Variants in RAB3C observed in about 807,000 individuals in gnomAD.
RAB3C encodes the protein RAB3C, member RAS oncogene family, also known as ras-related protein Rab-3C.
A neutral mutation model predicts 26.4 loss-of-function variants in RAB3C; 17 were observed. The observed-to-expected ratio is 0.64, with a 90% CI of 0.44 to 0.97. The LOEUF (loss-of-function observed/expected upper bound fraction) is 0.97. RAB3C is among the 50% of genes least tolerant of loss of function. The pLI is 0.00. For missense variants in RAB3C, 242 were observed against 281.9 expected, an observed-to-expected ratio of 0.86 and a Z score of 1.01; for synonymous variants, 91 against 95.9, an observed-to-expected ratio of 0.95 and a Z score of 0.30.
At chr5:58,816,356 G>A (rs1397151730) in intron 3 of RAB3C, among the ~76,000 whole-genome samples, 1 of 152,170 alleles carries the variant, frequency 6.6e-6, no homozygotes, top group Admixed American at 6.5e-5. Context: ...AATCAGTATG[G>A]TAACAACCTG....
At chr5:58,717,145 A>G (rs1749188888) in intron 2 of RAB3C, among the ~76,000 whole-genome samples, 1 of 152,058 alleles carries the variant, frequency 6.6e-6, no homozygotes, top group Non-Finnish European at 1.5e-5. Context: ...GATTATTAAG[A>G]CAGAAACAAA....
intron 3 of RAB3C, among the ~76,000 whole-genome samples, chr5:58,774,933 G>A (rs1363347427): frequency 6.6e-6 from 1 of 152,112 alleles, no homozygotes; most frequent in African/African-American, 2.4e-5. Flanking sequence ...GAAGCATCGT[G>A]ACTAAGGACT....
chr5:58,854,389 C>T lies in RAB3C; in HGVS notation c.*3038C>T, dbSNP rs1000924766. The stretch of plus-strand genomic sequence containing the variant: ...GGTACCTTCCTTTCTTTTCCTAATG[C>T]AACTGAAAAATTAGACTGAAAATTA... On this transcript the variant is annotated 3_prime_UTR_variant, in exon 5 of 5. Transcript: ENST00000282878. 2 of 152,174 alleles carry T rather than the reference C, an allele frequency of 1.3e-5. No homozygotes were observed. The highest frequency in any genetic ancestry group is 2.9e-5 in the Non-Finnish European group (2 of 68,032). The allele number at this position is 152,174 out of a possible 1,614,324, so 9.4% of individuals were successfully genotyped here.
At chr5:58,727,458 T>C (rs1457641361) in intron 3 of RAB3C, among the ~76,000 whole-genome samples, 1 of 152,040 alleles carries the variant, frequency 6.6e-6, no homozygotes, top group East Asian at 1.9e-4. Context: ...AAACTGAATG[T>C]TGTAAATACA....
chr5:58,596,685 T>C (rs1746272283), intron 1 of RAB3C, among the ~76,000 whole-genome samples: 1 of 55,104 alleles, frequency 1.8e-5, no homozygotes, highest in Non-Finnish European at 3.7e-5. Context: ...ATATATAATA[T>C]ATAATACATA....
At chr5:58,717,911 A>G (rs1328044556) in intron 2 of RAB3C, among the ~76,000 whole-genome samples, 1 of 152,108 alleles carries the variant, frequency 6.6e-6, no homozygotes, top group Non-Finnish European at 1.5e-5. Context: ...CTTTGTGTGC[A>G]TGAAAGTGCC....
chr5:58,775,977 G>A (rs1466164702), intron 3 of RAB3C, among the ~76,000 whole-genome samples: 2 of 152,014 alleles, frequency 1.3e-5, no homozygotes. Flanking sequence ...CCACAAACTT[G>A]CATTTTCAAT....
In RAB3C at chr5:58,617,662, C is replaced by A. The variant is rs1281564372; in HGVS notation, c.44C>A (p.Ala15Asp). 1.2e-6 allele frequency: 2 copies of A among 1,612,978 alleles called. No individual in the cohort carries two copies. Among genetic ancestry groups the A allele is most frequent in the African/African-American group, 2.7e-5 (2 of 74,886 alleles). ...APMQMASAQD[A>D]RYGQKDSSDQ... The stretch of plus-strand genomic sequence containing the variant: ...TCACAGATGGCCTCTGCCCAAGATG[C>A]CAGGTACGGCCAGAAAGACTCCTCT... The change falls in exon 2 of 5, where the codon GCC becomes GAC. Residue 15 changes from alanine (A) to aspartate (D), a missense_variant. Ala to Asp is a moderately radical substitution (Grantham distance 126). Coordinates refer to ENST00000282878, the MANE Select transcript of RAB3C (RefSeq NM_138453.4).
intron 2 of RAB3C, among the ~76,000 whole-genome samples, chr5:58,695,908 C>T (rs1021693513): frequency 2.0e-5 from 3 of 152,130 alleles, no homozygotes; most frequent in African/African-American, 7.2e-5. Flanking sequence ...ATTGAATACC[C>T]TTTATTTGGT....
intron 3 of RAB3C, among the ~76,000 whole-genome samples, chr5:58,728,559 C>T (rs560304735): frequency 2.6e-5 from 4 of 152,076 alleles, no homozygotes; most frequent in Admixed American, 6.6e-5. Context: ...TAGTACATCT[C>T]GGGCCTTAAA....
At chr5:58,616,014 C>CG (rs1746819085) in intron 1 of RAB3C, among the ~76,000 whole-genome samples, 1 of 124,226 alleles carries the variant, frequency 8.0e-6, no homozygotes, top group Non-Finnish European at 1.8e-5. Flanking sequence ...ACACACACCC[C>CG]TGACTTCAGG....
rs139013577 is a variant in RAB3C, at chr5:58,605,370, A to C, written c.25-12273A>C. On this transcript the variant is annotated intron_variant, in intron 1 of 4. Coordinates refer to ENST00000282878, the MANE Select transcript of RAB3C (RefSeq NM_138453.4). Reference sequence around the variant, plus strand: ...CTCAGATTCCCTTAATTTCATCTTTAAAATGGAGATGATTTTGGTTCTGCA... The same window carrying C: ...CTCAGATTCCCTTAATTTCATCTTTCAAATGGAGATGATTTTGGTTCTGCA... Among the ~76,000 whole-genome samples the C allele has an allele frequency of 4.0e-3, 614 of 152,260 alleles. 5 individuals carry two copies. Among genetic ancestry groups the C allele is most frequent in the African/African-American group, 0.013 (552 of 41,544 alleles).
chr5:58,687,506 C>T (rs967094880), intron 2 of RAB3C, among the ~76,000 whole-genome samples: 1 of 151,982 alleles, frequency 6.6e-6, no homozygotes, highest in African/African-American at 2.4e-5. Context: ...ACCCAGTAAA[C>T]GTTTCAGTAA....
chr5:58,593,399 T>TA (rs1370654642), intron 1 of RAB3C, among the ~76,000 whole-genome samples: 5 of 152,170 alleles, frequency 3.3e-5, no homozygotes, highest in Admixed American at 6.5e-5. Context: ...GAGCTTCTTA[T>TA]AAAAAAGGTG....
rs1361604461 is a variant in RAB3C at position 58,661,157 on chromosome 5, G to GA, written c.252+43295dup. ...AATAAACATGGGATATTCATTATGTGAAAAAAAAGAAACTAGAATATATCT... is the reference window on the plus strand; with the variant it reads ...AATAAACATGGGATATTCATTATGTGAAAAAAAAAGAAACTAGAATATATCT... On this transcript the variant is annotated intron_variant, in intron 2 of 4. Transcript: ENST00000282878. 4.0e-5 allele frequency among the ~76,000 whole-genome samples: 6 copies of GA among 149,524 alleles called. 2 individuals are homozygous for GA. The highest frequency in any genetic ancestry group is 1.5e-4 in the African/African-American group (6 of 39,272).
chr5:58,613,380 T>C (rs570853059), intron 1 of RAB3C, among the ~76,000 whole-genome samples: 8 of 152,258 alleles, frequency 5.3e-5, no homozygotes, highest in Admixed American at 5.2e-4. Context: ...AAAAAGTTAA[T>C]TGTTATTTGT....
At chr5:58,839,353 A>G (rs921620232) in intron 4 of RAB3C, among the ~76,000 whole-genome samples, 1 of 145,658 alleles carries the variant, frequency 6.9e-6, no homozygotes, top group Non-Finnish European at 1.5e-5. Context: ...TTTTTATTTT[A>G]TTTATTTATT....
chr5:58,730,675 T>G (rs1740993833), intron 3 of RAB3C, among the ~76,000 whole-genome samples: 2 of 152,130 alleles, frequency 1.3e-5, no homozygotes, highest in African/African-American at 4.8e-5. Context: ...AAAAAAAGCT[T>G]GCTGACTGTG....
chr5:58,823,439 G>A (rs765170856), intron 3 of RAB3C: 7 of 157,886 alleles, frequency 4.4e-5, no homozygotes, highest in Non-Finnish European at 9.8e-5. Context: ...CGGGACGATT[G>A]CTTGAGCCCA....
Sources: allele counts gnomAD v4.1 joint callset (sites outside exome capture counted in the v4.1 genomes callset), GRCh38; gene constraint gnomAD v4.1.1; transcripts MANE v1.5; gene names NCBI Gene and HGNC (gene_info 2026-07-23, HGNC 2026-07-21).